Variants in TSHZ3 observed in about 807,000 individuals in gnomAD.
TSHZ3 encodes teashirt zinc finger homeobox 3, also known as teashirt homolog 3.
TSHZ3 carries 10 observed loss-of-function variants against 64.5 expected under a neutral mutation model. The ratio of observed to expected loss-of-function variants is 0.16; its 90% CI spans 0.10 to 0.26. TSHZ3 has a LOEUF of 0.26. Among genes scored for constraint, TSHZ3 ranks in the 10% least tolerant of loss-of-function variants. The pLI is 1.00. For missense variants in TSHZ3, 1,242 were observed against 1,421.7 expected (o/e 0.87, Z 2.03); for synonymous variants, 608 against 593.1 (o/e 1.03, Z -0.36).
At chr19:31,197,039 C>A (rs1975002899) in intron 5 of TSHZ3, among the ~76,000 whole-genome samples, 1 of 151,806 alleles carries the variant, frequency 6.6e-6, no homozygotes, top group African/African-American at 2.4e-5. Flanking sequence ...GAAAATTAAC[C>A]AAGATAGACC....
At chr19:31,180,639 T>G (rs1481466478) in intron 5 of TSHZ3, among the ~76,000 whole-genome samples, 2 of 152,354 alleles carry the variant, frequency 1.3e-5, no homozygotes, top group Middle Eastern at 3.4e-3. Context: ...CCTGTCTTCC[T>G]GTTAATGTTA....
chr19:31,334,361 T>C (rs1421662217), intron 1 of TSHZ3, among the ~76,000 whole-genome samples: 1 of 152,222 alleles, frequency 6.6e-6, no homozygotes, highest in Non-Finnish European at 1.5e-5. Flanking sequence ...TGAAAACCAC[T>C]GATAACCCAT....
intron 1 of TSHZ3, among the ~76,000 whole-genome samples, chr19:31,321,024 A>G (rs1443305723): frequency 2.0e-5 from 3 of 152,210 alleles, no homozygotes; most frequent in African/African-American, 7.2e-5. Context: ...CACATTTTTA[A>G]AATCATAGCT....
intron 3 of TSHZ3, among the ~76,000 whole-genome samples, chr19:31,230,966 T>G (rs1975532427): frequency 6.6e-6 from 1 of 151,752 alleles, no homozygotes; most frequent in Admixed American, 6.6e-5. Flanking sequence ...CCTCCCAAAG[T>G]GCTGGGATTA....
intron 4 of TSHZ3, among the ~76,000 whole-genome samples, chr19:31,221,439 C>A (rs1975393766): frequency 1.3e-5 from 2 of 152,186 alleles, no homozygotes; most frequent in Admixed American, 1.3e-4. Flanking sequence ...ATGTGCAGTT[C>A]TCCTTATGTC....
At chr19:31,325,821 A>G (rs1012855138) in intron 1 of TSHZ3, among the ~76,000 whole-genome samples, 1 of 152,188 alleles carries the variant, frequency 6.6e-6, no homozygotes, top group Non-Finnish European at 1.5e-5. Context: ...CTAGAGTCAA[A>G]CGTGGCCCTT....
intron 1 of TSHZ3, among the ~76,000 whole-genome samples, chr19:31,247,961 A>G (rs916254830): frequency 6.6e-6 from 1 of 152,068 alleles, no homozygotes; most frequent in Non-Finnish European, 1.5e-5. Context: ...TGTTTAATGA[A>G]CTCACAGTTC....
chr19:31,180,973 G>A (rs1165162469), intron 5 of TSHZ3, among the ~76,000 whole-genome samples: 6 of 152,142 alleles, frequency 3.9e-5, no homozygotes, highest in Non-Finnish European at 8.8e-5. Context: ...GCTAATTTCA[G>A]TATATGCAGA....
intron 4 of TSHZ3, among the ~76,000 whole-genome samples, chr19:31,209,893 G>T (rs1975240623): frequency 6.6e-6 from 1 of 152,120 alleles, no homozygotes; most frequent in South Asian, 2.1e-4. Context: ...CTCAGCCAAG[G>T]TGTGTGGAGT....
chr19:31,238,011 G>A (rs1240190335), intron 3 of TSHZ3, among the ~76,000 whole-genome samples: 1 of 152,108 alleles, frequency 6.6e-6, no homozygotes, highest in African/African-American at 2.4e-5. Flanking sequence ...TTTATGACTA[G>A]AATATTAGCT....
intron 5 of TSHZ3, among the ~76,000 whole-genome samples, chr19:31,171,108 A>G (rs1259729693): frequency 6.6e-6 from 1 of 152,164 alleles, no homozygotes; most frequent in African/African-American, 2.4e-5. Context: ...GTAAAGAAAA[A>G]TGTACACTTG....
upstream of TSHZ3, chr19:31,349,491 A>AGAGGAG (rs1175696457): frequency 2.9e-6 from 1 of 344,700 alleles, no homozygotes; most frequent in Non-Finnish European, 5.2e-6. Flanking sequence ...AGGAGGAGGC[A>AGAGGAG]GAGGAGGAGG....
intron 3 of TSHZ3, among the ~76,000 whole-genome samples, chr19:31,235,673 C>T (rs1171702452): frequency 2.0e-4 from 15 of 75,956 alleles, no homozygotes; most frequent in East Asian, 6.3e-4. Flanking sequence ...TTTCTTTCTT[C>T]TTTCTTTCTT....
rs780245815 is a variant in TSHZ3 at position 31,276,778 on chromosome 19, G to C, written c.3015C>G (p.Asp1005Glu). ...LESHLGFRLR[D>E]LSKLSTEQIN... ...TCTGTTCGGTGGACAGTTTGGATAA[G>C]TCCCGTAGCCGGAAGCCTAAGTGTG... The change falls in exon 2 of 2, where the codon GAC (aspartate) becomes GAG (glutamate). Residue 1005 changes from aspartate (D) to glutamate (E), a missense_variant. This residue lies in a region of TSHZ3 where 126 missense variants were observed against 140.6 expected (regional missense o/e 0.90). Coordinates refer to ENST00000240587, the MANE Select transcript of TSHZ3 (RefSeq NM_020856.4). The C allele has an allele frequency of 1.9e-6, 3 of 1,614,128 alleles. No homozygotes were observed. In the South Asian group the frequency reaches 3.3e-5, roughly 18 times the overall value.
intron 3 of TSHZ3, among the ~76,000 whole-genome samples, chr19:31,240,237 A>G (rs1975670164): frequency 6.6e-6 from 1 of 152,276 alleles, no homozygotes; most frequent in African/African-American, 2.4e-5. Context: ...TAAAATTTTC[A>G]AGCACCACGA....
At chr19:31,268,175 C>T (rs1976081657) in intron 1 of TSHZ3, among the ~76,000 whole-genome samples, 1 of 152,196 alleles carries the variant, frequency 6.6e-6, no homozygotes, top group African/African-American at 2.4e-5. Flanking sequence ...TCTTCATCTT[C>T]CTCAATGGCC....
intron 6 of TSHZ3, among the ~76,000 whole-genome samples, chr19:31,152,858 T>C (rs1269495438): frequency 6.6e-6 from 1 of 152,140 alleles, no homozygotes; most frequent in Non-Finnish European, 1.5e-5. Flanking sequence ...ATGCCTTGAA[T>C]GGAAGCAACT....
intron 3 of TSHZ3, among the ~76,000 whole-genome samples, chr19:31,239,479 ACTTT>A (rs1975662108): frequency 1.3e-5 from 2 of 152,010 alleles, no homozygotes; most frequent in South Asian, 4.1e-4. Context: ...AAACTTCCTA[ACTTT>A]CTTTGTCTGA....
chr19:31,284,816 G>A (rs529568235), intron 1 of TSHZ3, among the ~76,000 whole-genome samples: 85 of 152,234 alleles, frequency 5.6e-4, no homozygotes, highest in African/African-American at 1.9e-3. Flanking sequence ...GTTATCAGCC[G>A]CAACCCTACC....
Sources: gnomAD v4.1 joint callset for allele counts (sites outside exome capture counted in the v4.1 genomes callset) on GRCh38, gnomAD v4.1.1 for gene constraint, gnomAD v4.1.1 regional missense constraint, MANE v1.5 for transcripts, NCBI Gene and HGNC (gene_info 2026-07-23, HGNC 2026-07-21) for gene names.